Variants in NCKAP1 observed in about 807,000 individuals in gnomAD.
NCKAP1 encodes the protein nck-associated protein 1.
NCKAP1 carries 21 observed loss-of-function variants against 151.2 expected under a neutral mutation model. The observed-to-expected ratio is 0.14, with a 90% CI of 0.10 to 0.20. The LOEUF (loss-of-function observed/expected upper bound fraction) is 0.20. Among genes scored for constraint, NCKAP1 ranks in the 10% least tolerant of loss-of-function variants. The pLI is 1.00. For missense variants in NCKAP1, 933 were observed against 1,352.1 expected, an observed-to-expected ratio of 0.69 and a Z score of 4.86; for synonymous variants, 484 against 451.8, an observed-to-expected ratio of 1.07 and a Z score of -0.90.
intron 26 of NCKAP1, among the ~76,000 whole-genome samples, chr2:182,933,585 G>T (rs1696810291): frequency 6.6e-6 from 1 of 151,846 alleles, no homozygotes; most frequent in African/African-American, 2.4e-5. Flanking sequence ...TAGAGATGGG[G>T]TTTCTTCATG....
chr2:183,014,399 C>T (rs766565932), intron 2 of NCKAP1, among the ~76,000 whole-genome samples: 4 of 151,972 alleles, frequency 2.6e-5, no homozygotes, highest in Non-Finnish European at 4.4e-5. Context: ...AAAAAAAAGT[C>T]GAGGCAAAAG....
At chr2:182,966,389 G>A (rs1240398569) in intron 16 of NCKAP1, among the ~76,000 whole-genome samples, 7 of 151,670 alleles carry the variant, frequency 4.6e-5, no homozygotes, top group South Asian at 4.2e-4. Flanking sequence ...AGGTTCAGGC[G>A]ATTCTCCTGC....
At chr2:182,930,814 G>A (rs916402847) in intron 26 of NCKAP1, 26 bp from the exon 27 acceptor site, 2 of 1,563,662 alleles carry the variant, frequency 1.3e-6, no homozygotes, top group African/African-American at 2.7e-5. Flanking sequence ...GAATTACAGA[G>A]CAATAAATAG....
chr2:182,944,259 A>G (rs1354442856), intron 23 of NCKAP1, among the ~76,000 whole-genome samples: 1 of 152,250 alleles, frequency 6.6e-6, no homozygotes, highest in Non-Finnish European at 1.5e-5. Context: ...GTTTAGACAA[A>G]GCAAGTGAAA....
At chr2:182,931,836 C>T (rs76685289) in intron 26 of NCKAP1, among the ~76,000 whole-genome samples, 6,472 of 152,030 alleles carry the variant, frequency 0.043, 191 homozygotes, top group South Asian at 0.13. Context: ...GTTATTTCTC[C>T]AAAGAAGATA....
chr2:182,974,533 T>C (rs1288343701), intron 15 of NCKAP1, among the ~76,000 whole-genome samples: 1 of 152,012 alleles, frequency 6.6e-6, no homozygotes, highest in Non-Finnish European at 1.5e-5. Context: ...ACATGAAATA[T>C]GCAAAGAGGA....
rs1434544977 is a variant in NCKAP1, at chr2:182,983,267, T to C, written c.1101+19A>G. On this transcript the variant is annotated intron_variant, in intron 11 of 30. Transcript: ENST00000361354. ...TTTTAATATGGCACAATTATTGAAA[T>C]AATAATTAAATGAATTACCTTGGGA... 3.3e-6 allele frequency: 5 copies of C among 1,513,986 alleles called. No homozygotes were observed. Among genetic ancestry groups the C allele is most frequent in the Non-Finnish European group, 3.6e-6 (4 of 1,107,558 alleles). The allele number at this position is 1,513,986 out of a possible 1,614,324, so 93.8% of individuals were successfully genotyped here.
At chr2:182,984,451 T>TGTGTGTGTGTGTGTG (rs1188952902) in intron 10 of NCKAP1, among the ~76,000 whole-genome samples, 30 of 144,290 alleles carry the variant, frequency 2.1e-4, no homozygotes, top group Non-Finnish European at 2.7e-4. Context: ...TGTGTGTGTG[T>TGTGTGTGTGTGTGTG]TGCCTATGCC....
chr2:182,987,393 T>C (rs1559094828), intron 9 of NCKAP1, among the ~76,000 whole-genome samples: 1 of 152,218 alleles, frequency 6.6e-6, no homozygotes, highest in Non-Finnish European at 1.5e-5. Context: ...CTATAATTAA[T>C]ACACTTTTAT....
intron 29 of NCKAP1, among the ~76,000 whole-genome samples, chr2:182,927,822 T>C (rs1425804679): frequency 6.6e-6 from 1 of 152,024 alleles, no homozygotes; most frequent in Non-Finnish European, 1.5e-5. Context: ...AAAGGTCATA[T>C]TGCAGAGCTC....
At chr2:182,947,489 G>C (rs1259544644) in intron 23 of NCKAP1, among the ~76,000 whole-genome samples, 1 of 152,184 alleles carries the variant, frequency 6.6e-6, no homozygotes, top group Non-Finnish European at 1.5e-5. Context: ...TGGGTGAAAA[G>C]TGGCTTCCAA....
At chr2:182,952,630 AAG>A in intron 22 of NCKAP1, 128 bp from the exon 23 acceptor site, 1 of 1,089,452 alleles carries the variant, frequency 9.2e-7, no homozygotes, top group Non-Finnish European at 1.3e-6. Flanking sequence ...TCTAGAGTGA[AAG>A]AGAGAATACA....
intron 18 of NCKAP1, among the ~76,000 whole-genome samples, chr2:182,961,372 C>T (rs1697447499): frequency 6.6e-6 from 1 of 152,168 alleles, no homozygotes; most frequent in African/African-American, 2.4e-5. Flanking sequence ...GAAAATGTGG[C>T]ACATATACAC....
chr2:182,990,465 G>T (rs1276782388), intron 8 of NCKAP1, among the ~76,000 whole-genome samples: 2 of 152,056 alleles, frequency 1.3e-5, no homozygotes, highest in East Asian at 3.9e-4. Flanking sequence ...ATATTAAGTT[G>T]CTCTTTATTA....
At chr2:182,928,707 C>T (rs1696698666) in intron 28 of NCKAP1, 76 bp downstream of exon 28, 3 of 1,025,050 alleles carry the variant, frequency 2.9e-6, no homozygotes, top group Non-Finnish European at 4.3e-6. Flanking sequence ...AGTGGCAGAA[C>T]TTAACTCATA....
chr2:183,038,334 G>T lies in NCKAP1; in HGVS notation c.-235C>A. 1 of 315,042 alleles carries T rather than the reference G, an allele frequency of 3.2e-6. No individual in the cohort carries two copies. The highest frequency in any genetic ancestry group is 5.8e-6 in the Non-Finnish European group (1 of 173,552). 19.5% of individuals were successfully genotyped at this position (315,042 alleles called of 1,614,324 possible). A position where few individuals can be genotyped will look rare whatever the true frequency, so the allele number is the denominator to read the frequency against. ...GCGCCCCGGCAGCCTCCTGCCTTCC[G>T]CCCGCCGCCCTTCCGCCCCCACCCC... is the stretch of plus-strand genomic sequence containing the variant. On this transcript the variant is annotated 5_prime_UTR_variant, in exon 1 of 31. Transcript: ENST00000361354.
chr2:182,969,881 A>G (rs1697650843), intron 15 of NCKAP1, among the ~76,000 whole-genome samples: 1 of 151,980 alleles, frequency 6.6e-6, no homozygotes, highest in South Asian at 2.1e-4. Flanking sequence ...AAAATTGACA[A>G]ATCTTTAGCT....
intron 11 of NCKAP1, among the ~76,000 whole-genome samples, 176 bp from the exon 12 acceptor site, chr2:182,983,103 T>C (rs992151506): frequency 4.6e-5 from 7 of 152,178 alleles, no homozygotes; most frequent in African/African-American, 1.7e-4. Flanking sequence ...AGAGCATGCA[T>C]ATAAGGGAGA....
At chr2:182,929,561 T>C (rs893645565) in intron 27 of NCKAP1, among the ~76,000 whole-genome samples, 60 of 151,998 alleles carry the variant, frequency 3.9e-4, no homozygotes, top group African/African-American at 1.4e-3. Context: ...TGATATGCAC[T>C]CAAATTGTGG....
Sources: allele counts gnomAD v4.1 joint callset (sites outside exome capture counted in the v4.1 genomes callset), GRCh38; gene constraint gnomAD v4.1.1; transcripts MANE v1.5; gene names NCBI Gene and HGNC (gene_info 2026-07-23, HGNC 2026-07-21).